PRKCH: variants seen among roughly 807,000 people sequenced by gnomAD.
PRKCH encodes protein kinase C eta, also known as protein kinase C eta type.
Under a neutral mutation model 82.5 loss-of-function variants are expected in PRKCH, and 28 were observed. The ratio of observed to expected loss-of-function variants is 0.34; its 90% CI spans 0.25 to 0.47. PRKCH has a LOEUF of 0.47. Ranked by LOEUF, PRKCH falls within the 20% of genes least tolerant of loss-of-function variation. The pLI is 1.00. For synonymous variants in PRKCH, 322 were observed against 327.4 expected (o/e 0.98, Z 0.18); for missense variants, 705 against 881.8 (o/e 0.80, Z 2.54).
rs575411079 is a variant in PRKCH at position 61,241,511 on chromosome 14, C to T, written c.-19+53843C>T. ...CCCCCATCCTGAAGCTACCTGGAGACTTCCAACCATCAGCCAACTCATTAG... is the reference window on the plus strand; with the variant it reads ...CCCCCATCCTGAAGCTACCTGGAGATTTCCAACCATCAGCCAACTCATTAG... On this transcript the variant is annotated intron_variant, in intron 1 of 3. Transcript: ENST00000555185. 8.5e-5 allele frequency among the ~76,000 whole-genome samples: 13 copies of T among 152,356 alleles called. No homozygotes were observed. In the South Asian group the frequency reaches 2.7e-3, roughly 32 times the overall value.
At chr14:61,515,436 A>T (rs1005541655) in intron 10 of PRKCH, among the ~76,000 whole-genome samples, 2 of 152,208 alleles carry the variant, frequency 1.3e-5, no homozygotes, top group African/African-American at 4.8e-5. Flanking sequence ...GTCTAGGATG[A>T]ACCGAATGAA....
rs75115246 is a variant in PRKCH, at chr14:61,201,579, A to C, written c.-19+13911A>C. Among the ~76,000 whole-genome samples the C allele has an allele frequency of 4.5e-3, 690 of 152,266 alleles. 23 individuals are homozygous for C. The East Asian group carries it at 0.089, about 20-fold the overall frequency. On this transcript the variant is annotated intron_variant, in intron 1 of 3. Transcript: ENST00000555185. ...TGATCACATAAAAATAGTAATATAAAGTTAGGGGAAAGAGAGGGGAACAAA... is the reference window on the plus strand; with the variant it reads ...TGATCACATAAAAATAGTAATATAACGTTAGGGGAAAGAGAGGGGAACAAA...
chr14:61,489,010 C>T (rs1361961610), intron 10 of PRKCH, among the ~76,000 whole-genome samples: 1 of 152,140 alleles, frequency 6.6e-6, no homozygotes, highest in Non-Finnish European at 1.5e-5. Flanking sequence ...GGATTTATTT[C>T]ACAGGATAAT....
At chr14:61,517,267 G>T (rs1257376030) in intron 10 of PRKCH, among the ~76,000 whole-genome samples, 4 of 152,182 alleles carry the variant, frequency 2.6e-5, no homozygotes, top group Non-Finnish European at 5.9e-5. Flanking sequence ...ATGCAAGGCC[G>T]TGCACTGGGA....
intron 10 of PRKCH, among the ~76,000 whole-genome samples, chr14:61,510,440 A>T (rs1224639169): frequency 6.6e-6 from 1 of 151,838 alleles, no homozygotes; most frequent in Non-Finnish European, 1.5e-5. Context: ...AGGGGGAGCG[A>T]TTCACATCGA....
chr14:61,239,048 A>G (rs563461639), intron 1 of PRKCH, among the ~76,000 whole-genome samples: 66 of 152,254 alleles, frequency 4.3e-4, no homozygotes, highest in African/African-American at 1.5e-3. Context: ...GAGTCAGGCA[A>G]TCTCCCTCCT....
chr14:61,502,824 G>A (rs1183462864), intron 10 of PRKCH, among the ~76,000 whole-genome samples: 2 of 152,062 alleles, frequency 1.3e-5, no homozygotes, highest in African/African-American at 2.4e-5. Flanking sequence ...CCTTTCCCAA[G>A]TTCACCGAGT....
intron 10 of PRKCH, among the ~76,000 whole-genome samples, chr14:61,523,385 C>T (rs986551024): frequency 6.6e-6 from 1 of 152,170 alleles, no homozygotes. Flanking sequence ...CAATTAAAGT[C>T]CTTTTGGGAA....
chr14:61,437,353 A>G (rs1883728061), intron 2 of PRKCH, among the ~76,000 whole-genome samples: 1 of 152,214 alleles, frequency 6.6e-6, no homozygotes, highest in South Asian at 2.1e-4. Flanking sequence ...TTTTGCAGAT[A>G]TAAACCAATA....
chr14:61,189,498 T>C (rs1566774579), intron 1 of PRKCH, among the ~76,000 whole-genome samples: 3 of 140,954 alleles, frequency 2.1e-5, no homozygotes, highest in Non-Finnish European at 4.6e-5. Flanking sequence ...TGCACTGAAA[T>C]GTTATCTCTC....
At chr14:61,482,462 A>G (rs1428596543) in intron 9 of PRKCH, among the ~76,000 whole-genome samples, 1 of 152,144 alleles carries the variant, frequency 6.6e-6, no homozygotes, top group Non-Finnish European at 1.5e-5. Flanking sequence ...CAGCAAAAAC[A>G]TTTTGCTTGT....
intron 1 of PRKCH, among the ~76,000 whole-genome samples, chr14:61,200,022 A>T (rs6573368): frequency 0.056 from 8,539 of 152,236 alleles, 805 homozygotes; most frequent in African/African-American, 0.19. Context: ...TATATTAAAA[A>T]TTGAATTTCA....
At chr14:61,348,420 A>G (rs1369408033) in intron 1 of PRKCH, among the ~76,000 whole-genome samples, 1 of 152,182 alleles carries the variant, frequency 6.6e-6, no homozygotes, top group African/African-American at 2.4e-5. Context: ...AAAACTGACA[A>G]AGTTTGCTTG....
chr14:61,364,962 G>A (rs2046278839), intron 1 of PRKCH, among the ~76,000 whole-genome samples: 1 of 152,116 alleles, frequency 6.6e-6, no homozygotes, highest in Non-Finnish European at 1.5e-5. Flanking sequence ...AGATGTAATA[G>A]AAGGGCAGGA....
At position 61,306,814 on chromosome 14, in the gene PRKCH, A is replaced by G. The variant is rs184719826; in HGVS notation, c.-19+119146A>G. On this transcript the variant is annotated intron_variant, in intron 1 of 3. Transcript: ENST00000555185. ...TCATGATTATAGATATTCTTAATGT[A>G]ACTTCAATAACCATTAGTTTGTTGA... 10 of 152,346 alleles carry G rather than the reference A, an allele frequency of 6.6e-5. No homozygotes were observed. The East Asian group carries it at 1.9e-3, about 29-fold the overall frequency. 9.4% of individuals were successfully genotyped at this position (152,346 alleles called of 1,614,324 possible).
At chr14:61,548,646 G>C (rs2043289449) in intron 13 of PRKCH, among the ~76,000 whole-genome samples, 1 of 152,004 alleles carries the variant, frequency 6.6e-6, no homozygotes. Flanking sequence ...GATCACTTGA[G>C]GTCAGGAGTT....
intron 1 of PRKCH, among the ~76,000 whole-genome samples, chr14:61,275,068 T>A (rs1477105711): frequency 6.6e-6 from 1 of 152,218 alleles, no homozygotes; most frequent in African/African-American, 2.4e-5. Flanking sequence ...ATGTTTCCTT[T>A]CCCATTTTGG....
chr14:61,217,548 G>A (rs1233131001), intron 1 of PRKCH, among the ~76,000 whole-genome samples: 1 of 152,082 alleles, frequency 6.6e-6, no homozygotes, highest in Non-Finnish European at 1.5e-5. Context: ...TGCTTAGTCC[G>A]GCCTCCTCTA....
intron 3 of PRKCH, among the ~76,000 whole-genome samples, 168 bp from the exon 4 acceptor site, chr14:61,445,524 G>C (rs80286422): frequency 0.04 from 6,147 of 152,144 alleles, 432 homozygotes; most frequent in African/African-American, 0.14. Context: ...GGTTTTTTCT[G>C]GTGTCTCATA....
Sources: allele counts gnomAD v4.1 joint callset (sites outside exome capture counted in the v4.1 genomes callset), GRCh38; gene constraint gnomAD v4.1.1; transcripts MANE v1.5; gene names NCBI Gene and HGNC (gene_info 2026-07-23, HGNC 2026-07-21).